The following POU6F2 variants were observed in gnomAD, a reference collection of about 807,000 sequenced individuals.
POU6F2 encodes POU class 6 homeobox 2, also known as POU domain, class 6, transcription factor 2.
POU6F2 carries 31 observed loss-of-function variants against 71.3 expected under a neutral mutation model. That is an observed-to-expected ratio of 0.43 (90% CI 0.33 to 0.59). POU6F2 has a LOEUF of 0.59. Among genes scored for constraint, POU6F2 ranks in the 20% least tolerant of loss-of-function variants. POU6F2 has a pLI of 0.04. For missense variants in POU6F2, 783 were observed against 856.8 expected (o/e 0.91, Z 1.07); for synonymous variants, 347 against 355.7 (o/e 0.98, Z 0.27).
rs879623434 is a variant in POU6F2 at position 39,343,467 on chromosome 7, A to G, written c.972+3452A>G. Among the ~76,000 whole-genome samples, 7 of 152,150 alleles carry G rather than the reference A, an allele frequency of 4.6e-5. No individual in the cohort carries two copies. The South Asian group carries it at 1.0e-3, about 23-fold the overall frequency. ...TAATCTGGATAGAGACCCCATAAGC[A>G]TAAGAATGGTGAAATAAAAGCCTCC... On this transcript the variant is annotated intron_variant, in intron 5 of 9. Transcript: ENST00000518318.
At position 39,458,861 on chromosome 7, in the gene POU6F2, C is replaced by T. The variant is rs764444553; in HGVS notation, c.1490-1686C>T. On this transcript the variant is annotated intron_variant, in intron 8 of 9. Transcript: ENST00000518318. ...CTCCCTGCATTTCTGCCTGTGTGCA[C>T]GCTGTCACCACTGACCAGACTATAT... 4.5e-4 allele frequency among the ~76,000 whole-genome samples: 68 copies of T among 152,130 alleles called. 1 individual carries two copies. The highest frequency in any genetic ancestry group is 1.3e-4 in the Non-Finnish European group (9 of 68,042).
At chr7:39,147,579 G>T (rs1231359274) in intron 2 of POU6F2, among the ~76,000 whole-genome samples, 2 of 152,156 alleles carry the variant, frequency 1.3e-5, no homozygotes, top group Non-Finnish European at 2.9e-5. Flanking sequence ...GCCAGGGTAG[G>T]TTCTCTCCAA....
At chr7:39,230,002 C>A (rs1156444820) in intron 4 of POU6F2, among the ~76,000 whole-genome samples, 1 of 152,188 alleles carries the variant, frequency 6.6e-6, no homozygotes, top group Non-Finnish European at 1.5e-5. Flanking sequence ...GGTAGTCAAC[C>A]AAGGCACAGA....
chr7:39,339,925 A>C lies in POU6F2; in HGVS notation c.882A>C (p.Pro294=). ...SHSQNQNQPS[P]TQQSSSPPQK... ...CCCAGAACCAGAACCAACCATCTCC[A>C]ACCCAGCAGAGCTCCAGCCCCCCGC... The change falls in exon 5 of 10, where the codon CCA becomes CCC. Residue 294 remains proline, a synonymous_variant. Transcript: ENST00000518318. 3 of 1,613,786 alleles carry C rather than the reference A, an allele frequency of 1.9e-6. No homozygotes were observed. The highest frequency in any genetic ancestry group is 2.5e-6 in the Non-Finnish European group (3 of 1,179,820).
chr7:39,434,155 A>G (rs926229082), intron 7 of POU6F2, among the ~76,000 whole-genome samples: 4 of 152,136 alleles, frequency 2.6e-5, no homozygotes, highest in African/African-American at 9.7e-5. Context: ...ACAGCTGGGT[A>G]TGAGTTAACC....
intron 4 of POU6F2, among the ~76,000 whole-genome samples, chr7:39,292,047 GAGA>G (rs1055177061): frequency 6.8e-5 from 10 of 146,624 alleles, no homozygotes; most frequent in African/African-American, 2.5e-4. Flanking sequence ...GAAAAAAACT[GAGA>G]AGGAGAGGAG....
intron 2 of POU6F2, among the ~76,000 whole-genome samples, chr7:39,134,692 G>A (rs1038761684): frequency 5.9e-5 from 9 of 152,156 alleles, no homozygotes; most frequent in African/African-American, 2.2e-4. Flanking sequence ...TCCAATCTGT[G>A]TGCAAGCTCC....
chr7:39,299,546 A>T lies in POU6F2; in HGVS notation c.599-40096A>T, dbSNP rs73382971. On this transcript the variant is annotated intron_variant, in intron 4 of 9. Coordinates refer to ENST00000518318, the MANE Select transcript of POU6F2 (RefSeq NM_001370959.1). ...GGCCATGAAAAAATCCTCCCTGCCCAGCAGAAAACTACTTGTAAATAGGTA... is the reference window on the plus strand; with the variant it reads ...GGCCATGAAAAAATCCTCCCTGCCCTGCAGAAAACTACTTGTAAATAGGTA... 3.6e-3 allele frequency among the ~76,000 whole-genome samples: 543 copies of T among 152,342 alleles called. 1 individual carries two copies. Among genetic ancestry groups the T allele is most frequent in the African/African-American group, 0.012 (512 of 41,578 alleles).
At chr7:39,095,083 A>G (rs1317925914) in intron 2 of POU6F2, among the ~76,000 whole-genome samples, 2 of 152,192 alleles carry the variant, frequency 1.3e-5, no homozygotes, top group African/African-American at 2.4e-5. Flanking sequence ...ACACTATTCT[A>G]TAATCTATGA....
chr7:39,104,991 C>T (rs553934446), intron 2 of POU6F2, among the ~76,000 whole-genome samples: 23 of 152,278 alleles, frequency 1.5e-4, no homozygotes, highest in African/African-American at 5.1e-4. Flanking sequence ...TTTTTTATCA[C>T]TTTTATTTTC....
At chr7:39,266,455 A>C (rs1420180028) in intron 4 of POU6F2, among the ~76,000 whole-genome samples, 3 of 152,178 alleles carry the variant, frequency 2.0e-5, no homozygotes, top group Non-Finnish European at 4.4e-5. Context: ...ACGTAGCCTT[A>C]TGGAATCACC....
At chr7:39,285,376 C>T (rs190954912) in intron 4 of POU6F2, among the ~76,000 whole-genome samples, 14 of 152,176 alleles carry the variant, frequency 9.2e-5, no homozygotes, top group East Asian at 5.8e-4. Context: ...CCATGCTCAT[C>T]GTATGTCGTG....
intron 4 of POU6F2, among the ~76,000 whole-genome samples, chr7:39,256,512 A>G (rs939637845): frequency 6.6e-6 from 1 of 152,206 alleles, no homozygotes; most frequent in Non-Finnish European, 1.5e-5. Context: ...AAAGATGTCT[A>G]TGTCCTAACC....
intron 1 of POU6F2, among the ~76,000 whole-genome samples, chr7:39,050,052 C>G (rs1790373567): frequency 6.6e-6 from 1 of 151,492 alleles, no homozygotes. Flanking sequence ...TTTTTTTGTT[C>G]TGGAGGTTAT....
intron 6 of POU6F2, among the ~76,000 whole-genome samples, chr7:39,416,135 C>CACACACACAA (rs1425080959): frequency 1.4e-5 from 2 of 144,140 alleles, no homozygotes; most frequent in Admixed American, 7.0e-5. Context: ...CACACACACA[C>CACACACACAA]ACACTAGAAA....
At chr7:39,109,856 C>T (rs1363511357) in intron 2 of POU6F2, among the ~76,000 whole-genome samples, 1 of 152,196 alleles carries the variant, frequency 6.6e-6, no homozygotes, top group Non-Finnish European at 1.5e-5. Flanking sequence ...AATTATGTAT[C>T]TCTCTAATTC....
At chr7:39,394,245 G>C (rs1280476496) in intron 5 of POU6F2, among the ~76,000 whole-genome samples, 1 of 152,116 alleles carries the variant, frequency 6.6e-6, no homozygotes, top group Non-Finnish European at 1.5e-5. Flanking sequence ...AGAACATTCT[G>C]TATTTTTAAA....
intron 1 of POU6F2, among the ~76,000 whole-genome samples, chr7:39,043,196 C>T (rs1248366967): frequency 6.6e-6 from 1 of 151,900 alleles, no homozygotes; most frequent in Non-Finnish European, 1.5e-5. Context: ...TAACATGACA[C>T]ATTTAATTCA....
intron 2 of POU6F2, among the ~76,000 whole-genome samples, chr7:39,143,985 A>G (rs1430432456): frequency 2.0e-5 from 3 of 152,188 alleles, no homozygotes; most frequent in Non-Finnish European, 4.4e-5. Context: ...GAGGATCACA[A>G]CCACAAGCCA....
Sources: allele counts gnomAD v4.1 joint callset (sites outside exome capture counted in the v4.1 genomes callset), GRCh38; gene constraint gnomAD v4.1.1; transcripts MANE v1.5; gene names NCBI Gene and HGNC (gene_info 2026-07-23, HGNC 2026-07-21).